Variants in ZNF611 observed in about 807,000 individuals in gnomAD.
ZNF611 encodes zinc finger protein 611.
ZNF611 carries 6 observed loss-of-function variants against 8.9 expected under a neutral mutation model. The observed-to-expected ratio is 0.68, with a 90% CI of 0.37 to 1.34. ZNF611 has a LOEUF of 1.34. Among genes scored for constraint, ZNF611 ranks in the 40% most tolerant of loss-of-function variants. The pLI is 0.02. For missense variants in ZNF611, 874 were observed against 841.3 expected (o/e 1.04, Z -0.48); for synonymous variants, 262 against 279.7 (o/e 0.94, Z 0.63).
intron 4 of ZNF611, among the ~76,000 whole-genome samples, chr19:52,715,005 AAAAAC>A (rs375202990): frequency 5.9e-5 from 9 of 152,232 alleles, no homozygotes; most frequent in Admixed American, 3.9e-4. Context: ...TCACACACAC[AAAAAC>A]AAAACAAAAC....
intron 3 of ZNF611, among the ~76,000 whole-genome samples, chr19:52,717,896 G>GA (rs1305232267): frequency 1.3e-5 from 2 of 152,142 alleles, no homozygotes; most frequent in Admixed American, 6.6e-5. Flanking sequence ...TCACGTAGTA[G>GA]AAAACGTTTT....
At chr19:52,706,949 A>G in intron 5 of ZNF611, 85 bp from the exon 6 acceptor site, 1 of 1,519,508 alleles carries the variant, frequency 6.6e-7, no homozygotes, top group Non-Finnish European at 8.8e-7. Context: ...ACAAAAAACG[A>G]TACTTATTTT....
At position 52,713,834 on chromosome 19, in the gene ZNF611, T is replaced by G. The variant is rs185221398; in HGVS notation, c.190+181A>C. Among the ~76,000 whole-genome samples, 4 of 152,160 alleles carry G rather than the reference T, an allele frequency of 2.6e-5. No homozygotes were observed. In the East Asian group the frequency reaches 7.7e-4, roughly 29 times the overall value. On this transcript the variant is annotated intron_variant, in intron 5 of 5. Transcript: ENST00000652185. ...TGATCCTGAGGGGCGGAGGTTATGG[T>G]GAGCCAAGATCATACCATTGCACTC... is the stretch of plus-strand genomic sequence containing the variant.
chr19:52,717,754 C>T (rs182798490), intron 3 of ZNF611: 191 of 930,140 alleles, frequency 2.1e-4, no homozygotes, highest in African/African-American at 4.3e-4. Flanking sequence ...GCTCACAGAT[C>T]ACCATTTTTT....
chr19:52,726,261 G>A (rs547176308), intron 3 of ZNF611, among the ~76,000 whole-genome samples: 11 of 152,266 alleles, frequency 7.2e-5, no homozygotes, highest in African/African-American at 2.6e-4. Context: ...GGATGCGGGC[G>A]TGAGGCCGGA....
At chr19:52,725,631 T>C (rs2062387099) in intron 3 of ZNF611, among the ~76,000 whole-genome samples, 1 of 152,120 alleles carries the variant, frequency 6.6e-6, no homozygotes, top group South Asian at 2.1e-4. Flanking sequence ...CAGGCAAGAA[T>C]TTCCAGGTCT....
intron 3 of ZNF611, among the ~76,000 whole-genome samples, chr19:52,721,753 G>A (rs1390897053): frequency 6.6e-6 from 1 of 151,960 alleles, no homozygotes; most frequent in Non-Finnish European, 1.5e-5. Flanking sequence ...GAGAGAGAGA[G>A]GGAGAGGGAG....
rs1026458953 is a variant in ZNF611 at position 52,725,203 on chromosome 19, G to A, written c.-20+3527C>T. Among the ~76,000 whole-genome samples the A allele has an allele frequency of 5.9e-5, 9 of 152,292 alleles. No individual in the cohort carries two copies. In the East Asian group the frequency reaches 1.6e-3, roughly 26 times the overall value. ...AGGCCCTGGGACCTCCCCAACGCTG[G>A]CTCAGGGGAAGCGGTGACTGCGGAG... On this transcript the variant is annotated intron_variant, in intron 3 of 5. Coordinates refer to ENST00000652185, the MANE Select transcript of ZNF611 (RefSeq NM_001161499.2).
At chr19:52,718,655 G>A (rs945957099) in intron 3 of ZNF611, among the ~76,000 whole-genome samples, 4 of 150,860 alleles carry the variant, frequency 2.7e-5, no homozygotes, top group Non-Finnish European at 4.4e-5. Flanking sequence ...AAAATTAGCC[G>A]GCCATGGTGG....
chr19:52,704,665 A>G lies in ZNF611; in HGVS notation c.*272T>C. Reference sequence around the variant, plus strand: ...TGTAATCGTTGTAGCATTACTGAAGACTTTGTGACAATCATTACATTAGTC... The same window carrying G: ...TGTAATCGTTGTAGCATTACTGAAGGCTTTGTGACAATCATTACATTAGTC... On this transcript the variant is annotated 3_prime_UTR_variant, in exon 6 of 6. Coordinates refer to ENST00000652185, the MANE Select transcript of ZNF611 (RefSeq NM_001161499.2). 2 of 1,591,708 alleles carry G rather than the reference A, an allele frequency of 1.3e-6. No homozygotes were observed. Among genetic ancestry groups the G allele is most frequent in the South Asian group, 2.2e-5 (2 of 90,364 alleles).
In ZNF611 at chr19:52,705,265, T is replaced by C. The variant is rs560788613; in HGVS notation, c.1790A>G (p.Asn597Ser). The C allele has an allele frequency of 2.5e-6, 4 of 1,614,134 alleles. No individual in the cohort carries two copies. The highest frequency in any genetic ancestry group is 1.1e-5 in the South Asian group (1 of 91,072). Residue 597 changes from asparagine to serine, a missense_variant, in exon 6 of 6, where the codon AAT (asparagine) becomes AGT (serine). Coordinates refer to ENST00000652185, the MANE Select transcript of ZNF611 (RefSeq NM_001161499.2). ...VHSGEKPYKC[N>S]ECSKTFSRRS... ...GCGACTGAAGGTCTTGCTGCACTCATTACACTTGTAAGGTTTCTCACCACT... is the reference window on the plus strand; with the variant it reads ...GCGACTGAAGGTCTTGCTGCACTCACTACACTTGTAAGGTTTCTCACCACT...
intron 3 of ZNF611, chr19:52,723,648 A>G (rs2062374189): frequency 6.6e-6 from 1 of 152,244 alleles, no homozygotes; most frequent in African/African-American, 2.4e-5. Flanking sequence ...GAGACAACGT[A>G]TAGAGAAAGA....
intron 1 of ZNF611, among the ~76,000 whole-genome samples, chr19:52,733,053 G>C (rs1179679061): frequency 6.6e-6 from 1 of 152,126 alleles, no homozygotes; most frequent in Non-Finnish European, 1.5e-5. Context: ...CCTAGGAAAA[G>C]GGGAGACAGT....
chr19:52,726,992 A>G (rs1387834549), intron 3 of ZNF611, among the ~76,000 whole-genome samples: 1 of 151,694 alleles, frequency 6.6e-6, no homozygotes, highest in African/African-American at 2.4e-5. Flanking sequence ...CAGCCTTTGG[A>G]GTAGCTGGTA....
chr19:52,713,924 T>C lies in ZNF611; in HGVS notation c.190+91A>G, dbSNP rs570386428. 6.3e-6 allele frequency: 10 copies of C among 1,580,304 alleles called. No homozygotes were observed. In the East Asian group the frequency reaches 1.1e-4, roughly 18 times the overall value. ...AAAAACAAAAAACAAAACCCATGTA[T>C]GGGGCAAAATCACAAAAGAGGATAC... is the stretch of plus-strand genomic sequence containing the variant. On this transcript the variant is annotated intron_variant, in intron 5 of 5. Coordinates refer to ENST00000652185, the MANE Select transcript of ZNF611 (RefSeq NM_001161499.2).
chr19:52,709,975 C>T (rs2062269297), intron 5 of ZNF611, among the ~76,000 whole-genome samples: 1 of 152,212 alleles, frequency 6.6e-6, no homozygotes, highest in African/African-American at 2.4e-5. Flanking sequence ...ATGAAGAAGG[C>T]TCTCACCAGG....
In ZNF611 at chr19:52,715,816, A is replaced by C. The variant is rs1398216697; in HGVS notation, c.63+16T>G. 6.2e-7 allele frequency: 1 copy of C among 1,610,048 alleles called. No individual in the cohort carries two copies. The highest frequency in any genetic ancestry group is 8.5e-7 in the Non-Finnish European group (1 of 1,179,734). On this transcript the variant is annotated intron_variant, in intron 4 of 5. Coordinates refer to ENST00000652185, the MANE Select transcript of ZNF611 (RefSeq NM_001161499.2). Reference sequence around the variant, plus strand: ...ACGAAAGACACAGATTAATCCACAGAGGAATATCACTTCACCTGAGGAAGA... The same window carrying C: ...ACGAAAGACACAGATTAATCCACAGCGGAATATCACTTCACCTGAGGAAGA...
intron 3 of ZNF611, among the ~76,000 whole-genome samples, chr19:52,726,568 G>A (rs1028463259): frequency 1.3e-5 from 2 of 151,884 alleles, no homozygotes; most frequent in African/African-American, 4.8e-5. Context: ...ACAGGTGCCC[G>A]CCACGATGCC....
intron 3 of ZNF611, among the ~76,000 whole-genome samples, chr19:52,722,126 C>T (rs1019562023): frequency 2.6e-5 from 4 of 151,858 alleles, no homozygotes; most frequent in African/African-American, 4.8e-5. Context: ...CATTGCAAGG[C>T]CAAGACAGGA....
Sources: allele counts gnomAD v4.1 joint callset (sites outside exome capture counted in the v4.1 genomes callset), GRCh38; gene constraint gnomAD v4.1.1; transcripts MANE v1.5; gene names NCBI Gene and HGNC (gene_info 2026-07-23, HGNC 2026-07-21).